The following ABCC1 variants were observed in gnomAD, a reference collection of about 807,000 sequenced individuals.
The protein encoded by ABCC1 is ATP binding cassette subfamily C member 1 (ABCC1 blood group), also known as multidrug resistance-associated protein 1.
Under a neutral mutation model 172.9 loss-of-function variants are expected in ABCC1, and 83 were observed. The observed-to-expected ratio is 0.48, with a 90% CI of 0.40 to 0.58. ABCC1 has a LOEUF of 0.58. Among genes scored for constraint, ABCC1 ranks in the 20% least tolerant of loss-of-function variants. The probability of loss-of-function intolerance (pLI) is 0.00; values close to 1 mark genes in which losing one functional copy is unlikely to be tolerated. For synonymous variants in ABCC1, 937 were observed against 825.2 expected, an observed-to-expected ratio of 1.14 and a Z score of -2.32; for missense variants, 1,817 against 2,002.7, an observed-to-expected ratio of 0.91 and a Z score of 1.77.
intron 5 of ABCC1, among the ~76,000 whole-genome samples, chr16:16,029,570 G>A (rs1011928623): frequency 2.0e-4 from 31 of 152,176 alleles, no homozygotes; most frequent in African/African-American, 7.0e-4. Context: ...GTTTTAATAT[G>A]TATCTCTGAA....
intron 19 of ABCC1, among the ~76,000 whole-genome samples, chr16:16,091,682 G>T (rs2152023844): frequency 6.6e-6 from 1 of 152,286 alleles, no homozygotes; most frequent in East Asian, 1.9e-4. Context: ...GCCAGACCAT[G>T]GTGTGCCAGG....
intron 21 of ABCC1, among the ~76,000 whole-genome samples, chr16:16,107,314 G>T (rs1175173374): frequency 6.6e-6 from 1 of 152,018 alleles, no homozygotes; most frequent in Non-Finnish European, 1.5e-5. Context: ...TTTTGAGATG[G>T]AGTCTCACTC....
At chr16:16,048,030 A>G in intron 9 of ABCC1, 112 bp from the exon 10 acceptor site, 1 of 1,337,764 alleles carries the variant, frequency 7.5e-7, no homozygotes, top group African/African-American at 1.4e-5. Flanking sequence ...AGGAGGAGAG[A>G]TCTGCGGCAT....
intron 1 of ABCC1, among the ~76,000 whole-genome samples, chr16:15,966,515 G>A (rs2151518046): frequency 6.6e-6 from 1 of 152,168 alleles, no homozygotes; most frequent in Admixed American, 6.5e-5. Flanking sequence ...CACTGGGAAG[G>A]GTAACCCAGT....
chr16:16,020,933 A>G (rs1244065622), intron 5 of ABCC1, among the ~76,000 whole-genome samples: 1 of 152,176 alleles, frequency 6.6e-6, no homozygotes, highest in Non-Finnish European at 1.5e-5. Context: ...ATTCGAACTC[A>G]CGACTGGCTG....
chr16:15,979,502 C>G (rs992039012), intron 1 of ABCC1, among the ~76,000 whole-genome samples: 4 of 104,830 alleles, frequency 3.8e-5, no homozygotes, highest in Non-Finnish European at 7.8e-5. Context: ...CTCTCTCTCT[C>G]TCTCTTTTTT....
At chr16:15,966,241 C>G (rs970990085) in intron 1 of ABCC1, among the ~76,000 whole-genome samples, 1 of 151,482 alleles carries the variant, frequency 6.6e-6, no homozygotes, top group African/African-American at 2.4e-5. Flanking sequence ...GGTGAAACCC[C>G]ATCTCTACTA....
intron 1 of ABCC1, among the ~76,000 whole-genome samples, chr16:16,003,944 TGGG>T (rs141828085): frequency 7.4e-6 from 1 of 134,676 alleles, no homozygotes; most frequent in African/African-American, 2.9e-5. Context: ...ATGAATTGGT[TGGG>T]GGGGGTGGAT....
In ABCC1 at chr16:15,949,709, G is replaced by C. The variant is rs1432405542; in HGVS notation, c.-43G>C. The C allele has an allele frequency of 1.1e-5, 12 of 1,098,508 alleles. No homozygotes were observed. Among genetic ancestry groups the C allele is most frequent in the Non-Finnish European group, 1.2e-5 (11 of 901,924 alleles). 68.0% of individuals were successfully genotyped at this position (1,098,508 alleles called of 1,614,324 possible). ...GCCGCCCGCGCCAGCAACCGGGCCC[G>C]ATCACCCGCCGCCCGGTGCCCGCCG... On this transcript the variant is annotated 5_prime_UTR_variant, in exon 1 of 31. Coordinates refer to ENST00000399410, the MANE Select transcript of ABCC1 (RefSeq NM_004996.4).
At chr16:16,070,816 A>G (rs1314309919) in intron 13 of ABCC1, among the ~76,000 whole-genome samples, 1 of 152,086 alleles carries the variant, frequency 6.6e-6, no homozygotes, top group Non-Finnish European at 1.5e-5. Context: ...TTGCCGAATA[A>G]TTTTAAAGCA....
intron 20 of ABCC1, among the ~76,000 whole-genome samples, chr16:16,104,629 T>C (rs1370772111): frequency 6.6e-6 from 1 of 152,208 alleles, no homozygotes; most frequent in African/African-American, 2.4e-5. Flanking sequence ...ACACTGGGGC[T>C]GCAGGTGGAG....
rs1197942092 is a variant in ABCC1, at chr16:16,112,374, CA to C, written c.3079+805del. 2.2e-3 allele frequency among the ~76,000 whole-genome samples: 288 copies of C among 133,526 alleles called. 2 individuals carry two copies. The highest frequency in any genetic ancestry group is 7.8e-3 in the Middle Eastern group (2 of 258). The allele number at this position is 133,526 out of a possible 152,430, so 87.6% of individuals were successfully genotyped here. A position where few individuals can be genotyped will look rare whatever the true frequency, so the allele number is the denominator to read the frequency against. ...GCAAGACCCTGTCTCAAAAAATAAA[CA>C]AAAAAAAAAAAACCCTGCTCTATAC... On this transcript the variant is annotated intron_variant, in intron 22 of 30. Transcript: ENST00000399410.
intron 15 of ABCC1, 137 bp downstream of exon 15, chr16:16,076,538 C>T: frequency 1.2e-6 from 1 of 808,528 alleles, no homozygotes. Flanking sequence ...CTTAGCTTAC[C>T]CATCTGGACA....
chr16:16,085,022 G>A (rs2050954496), intron 17 of ABCC1, among the ~76,000 whole-genome samples: 1 of 152,158 alleles, frequency 6.6e-6, no homozygotes, highest in Non-Finnish European at 1.5e-5. Flanking sequence ...GTTATACCTA[G>A]GTAATCATTG....
At chr16:16,024,625 T>C (rs1170969334) in intron 5 of ABCC1, among the ~76,000 whole-genome samples, 4 of 152,148 alleles carry the variant, frequency 2.6e-5, no homozygotes, top group Non-Finnish European at 4.4e-5. Flanking sequence ...ATGCTAGGAT[T>C]ACAGGGATGG....
chr16:16,033,205 T>G, intron 6 of ABCC1, 35 bp downstream of exon 6: 5 of 1,591,338 alleles, frequency 3.1e-6, no homozygotes, highest in Non-Finnish European at 4.3e-6. Context: ...AGGGAGGTGG[T>G]GGGGAGTGAA....
In ABCC1 at chr16:16,078,528, A is replaced by G. The variant is rs909079416; in HGVS notation, c.1989-824A>G. Among the ~76,000 whole-genome samples, 11 of 152,276 alleles carry G rather than the reference A, an allele frequency of 7.2e-5. No homozygotes were observed. The South Asian group carries it at 1.4e-3, about 20-fold the overall frequency. ...TCTTAGCACAGCGTCCTTCCAGGGCATATTTCAAGGTGCTCCCAGGTCTGG... is the reference window on the plus strand; with the variant it reads ...TCTTAGCACAGCGTCCTTCCAGGGCGTATTTCAAGGTGCTCCCAGGTCTGG... On this transcript the variant is annotated intron_variant, in intron 15 of 30. Transcript: ENST00000399410.
chr16:16,074,672 T>G (rs758101750), intron 14 of ABCC1, among the ~76,000 whole-genome samples: 10 of 152,222 alleles, frequency 6.6e-5, no homozygotes, highest in Non-Finnish European at 1.2e-4. Context: ...CTAACCGTTC[T>G]CTGCAACCTC....
At chr16:16,130,772 A>G (rs1002755291) in intron 26 of ABCC1, among the ~76,000 whole-genome samples, 3 of 152,340 alleles carry the variant, frequency 2.0e-5, no homozygotes, top group East Asian at 1.9e-4. Flanking sequence ...TCTGGGGGCA[A>G]CATTTATATT....
Sources: allele counts gnomAD v4.1 joint callset (sites outside exome capture counted in the v4.1 genomes callset), GRCh38; gene constraint gnomAD v4.1.1; transcripts MANE v1.5; gene names NCBI Gene and HGNC (gene_info 2026-07-23, HGNC 2026-07-21).